Variants in WWOX observed in about 807,000 individuals in gnomAD.
WWOX encodes WW domain containing oxidoreductase.
Under a neutral mutation model 46.2 loss-of-function variants are expected in WWOX, and 69 were observed. The ratio of observed to expected loss-of-function variants is 1.49; its 90% CI spans 1.23 to 1.82. The LOEUF (loss-of-function observed/expected upper bound fraction) is 1.82. Ranked by LOEUF, WWOX falls within the 40% of genes most tolerant of loss-of-function variation. The pLI is 0.00. For synonymous variants in WWOX, 359 were observed against 202.6 expected, an observed-to-expected ratio of 1.77 and a Z score of -6.56; for missense variants, 919 against 542.6, an observed-to-expected ratio of 1.69 and a Z score of -6.89.
At chr16:78,909,399 T>C (rs1567641900) in intron 8 of WWOX, among the ~76,000 whole-genome samples, 1 of 152,218 alleles carries the variant, frequency 6.6e-6, no homozygotes, top group Non-Finnish European at 1.5e-5. Context: ...TTATTAAACT[T>C]TATGGACCAT....
At chr16:78,308,510 C>T (rs56102854) in intron 5 of WWOX, among the ~76,000 whole-genome samples, 7,778 of 152,196 alleles carry the variant, frequency 0.051, 513 homozygotes, top group African/African-American at 0.16. Flanking sequence ...AGTATAGGAT[C>T]ACTTTGCAGA....
chr16:78,855,518 C>G (rs1240523872), intron 8 of WWOX, among the ~76,000 whole-genome samples: 1 of 152,126 alleles, frequency 6.6e-6, no homozygotes, highest in Non-Finnish European at 1.5e-5. Flanking sequence ...AAGATCGATT[C>G]CAATTTGTAA....
At chr16:78,925,284 GCATAC>G (rs2045472975) in intron 8 of WWOX, among the ~76,000 whole-genome samples, 1 of 152,218 alleles carries the variant, frequency 6.6e-6, no homozygotes, top group Non-Finnish European at 1.5e-5. Context: ...CTGGGTGGCA[GCATAC>G]TGGGATTGAG....
At chr16:78,322,563 C>T (rs1038683943) in intron 5 of WWOX, among the ~76,000 whole-genome samples, 2 of 152,198 alleles carry the variant, frequency 1.3e-5, no homozygotes, top group African/African-American at 4.8e-5. Flanking sequence ...TAGCATCGTA[C>T]AGTCAGTGAG....
chr16:79,003,892 G>C (rs1056230779), intron 8 of WWOX, among the ~76,000 whole-genome samples: 1 of 152,164 alleles, frequency 6.6e-6, no homozygotes, highest in African/African-American at 2.4e-5. Context: ...TCCACCTCTC[G>C]ATGAGAGGAG....
chr16:78,962,234 T>C (rs969697814), intron 8 of WWOX, among the ~76,000 whole-genome samples: 3 of 151,466 alleles, frequency 2.0e-5, no homozygotes, highest in African/African-American at 7.3e-5. Context: ...GGAGGTGGCT[T>C]CTTTTTTCTC....
At chr16:78,170,085 C>G (rs2035105736) in intron 5 of WWOX, among the ~76,000 whole-genome samples, 1 of 152,086 alleles carries the variant, frequency 6.6e-6, no homozygotes, top group Non-Finnish European at 1.5e-5. Context: ...TGTCTTGAGT[C>G]TATTACCCTC....
At chr16:78,624,624 T>A (rs1199987198) in intron 8 of WWOX, among the ~76,000 whole-genome samples, 1 of 152,166 alleles carries the variant, frequency 6.6e-6, no homozygotes, top group Non-Finnish European at 1.5e-5. Flanking sequence ...AATCACTCAT[T>A]TCTATGGCAA....
At chr16:78,625,279 C>G (rs952531140) in intron 8 of WWOX, among the ~76,000 whole-genome samples, 1 of 152,160 alleles carries the variant, frequency 6.6e-6, no homozygotes, top group Non-Finnish European at 1.5e-5. Context: ...CTCTGTGGTT[C>G]CCCTGACTGA....
intron 7 of WWOX, among the ~76,000 whole-genome samples, 175 bp from the exon 8 acceptor site, chr16:78,432,313 C>T (rs928006323): frequency 5.3e-5 from 8 of 152,016 alleles, no homozygotes; most frequent in Non-Finnish European, 1.2e-4. Context: ...GCCATGTTGG[C>T]CAGGCTGGTC....
rs971731764 is a variant in WWOX at position 79,212,113 on chromosome 16, T to G, written c.*317T>G. ...AGAAGCACCAGCAATTCTCTTTCTTTTACTGTTATAGAATAGCCTGAGGTC... is the reference window on the plus strand; with the variant it reads ...AGAAGCACCAGCAATTCTCTTTCTTGTACTGTTATAGAATAGCCTGAGGTC... On this transcript the variant is annotated 3_prime_UTR_variant, in exon 9 of 9. Coordinates refer to ENST00000566780, the MANE Select transcript of WWOX (RefSeq NM_016373.4). 3 of 1,535,636 alleles carry G rather than the reference T, an allele frequency of 2.0e-6. No individual in the cohort carries two copies. Among genetic ancestry groups the G allele is most frequent in the African/African-American group, 2.7e-5 (2 of 72,882 alleles).
chr16:78,688,067 C>T (rs143044091), intron 8 of WWOX, among the ~76,000 whole-genome samples: 1 of 151,302 alleles, frequency 6.6e-6, no homozygotes, highest in East Asian at 1.9e-4. Context: ...TAGAATGTCA[C>T]AGGCCACAAT....
At chr16:78,752,345 T>C (rs1397952873) in intron 8 of WWOX, among the ~76,000 whole-genome samples, 1 of 152,252 alleles carries the variant, frequency 6.6e-6, no homozygotes, top group Non-Finnish European at 1.5e-5. Context: ...TAGAGTACAG[T>C]GATGCGATCT....
At chr16:78,796,889 G>T (rs111736726) in intron 8 of WWOX, among the ~76,000 whole-genome samples, 10 of 150,398 alleles carry the variant, frequency 6.6e-5, no homozygotes, top group Non-Finnish European at 1.5e-4. Flanking sequence ...GCAGTGGTGC[G>T]ATCTCGGCTC....
intron 8 of WWOX, among the ~76,000 whole-genome samples, chr16:78,886,251 C>T (rs1394180608): frequency 6.6e-6 from 1 of 150,428 alleles, no homozygotes. Flanking sequence ...AAAGTATACC[C>T]ATACCCATTG....
intron 8 of WWOX, among the ~76,000 whole-genome samples, chr16:79,084,615 A>G (rs184134634): frequency 1.9e-3 from 289 of 152,286 alleles, no homozygotes; most frequent in African/African-American, 6.7e-3. Context: ...GGGTTTCACC[A>G]TATTGGTCAG....
intron 8 of WWOX, chr16:78,825,419 T>G (rs929919421): frequency 3.1e-6 from 1 of 326,856 alleles, no homozygotes; most frequent in Non-Finnish European, 6.2e-6. Context: ...ATCACGACAG[T>G]AACAAATATC....
chr16:78,730,686 C>T (rs1053788328), intron 8 of WWOX, among the ~76,000 whole-genome samples: 1 of 147,824 alleles, frequency 6.8e-6, no homozygotes, highest in Non-Finnish European at 1.5e-5. Flanking sequence ...TCTTGAACTC[C>T]TGGGCTCAAG....
chr16:78,972,456 C>T (rs1160508593), intron 8 of WWOX, among the ~76,000 whole-genome samples: 4 of 130,222 alleles, frequency 3.1e-5, no homozygotes, highest in Non-Finnish European at 6.3e-5. Context: ...GGAAGGAAGT[C>T]AGCAAGCAGG....
Sources: allele counts gnomAD v4.1 joint callset (sites outside exome capture counted in the v4.1 genomes callset), GRCh38; gene constraint gnomAD v4.1.1; transcripts MANE v1.5; gene names NCBI Gene and HGNC (gene_info 2026-07-23, HGNC 2026-07-21).